ARHGEF28: variants seen among roughly 807,000 people sequenced by gnomAD.
ARHGEF28 encodes 190 kDa guanine nucleotide exchange factor.
Under a neutral mutation model 206.6 loss-of-function variants are expected in ARHGEF28, and 152 were observed. The ratio of observed to expected loss-of-function variants is 0.74; its 90% confidence interval spans 0.64 to 0.84. The LOEUF (loss-of-function observed/expected upper bound fraction) is 0.84. Ranked by LOEUF, ARHGEF28 falls within the 40% of genes least tolerant of loss-of-function variation. The pLI, the probability that ARHGEF28 is intolerant of heterozygous loss-of-function variation, is 0.00. For missense variants in ARHGEF28, 2,028 were observed against 2,073.2 expected (o/e 0.98, Z 0.42); for synonymous variants, 763 against 776.4 (o/e 0.98, Z 0.29).
chr5:73,925,806 A>G (rs75179625), intron 35 of ARHGEF28, among the ~76,000 whole-genome samples: 21,055 of 152,238 alleles, frequency 0.14, 1,743 homozygotes, highest in South Asian at 0.3. Context: ...CCCTTGTATT[A>G]TGTTTCATTG....
intron 1 of ARHGEF28, among the ~76,000 whole-genome samples, chr5:73,631,588 A>G (rs1489161768): frequency 6.6e-6 from 1 of 152,184 alleles, no homozygotes; most frequent in Non-Finnish European, 1.5e-5. Context: ...TTTGATAGCT[A>G]CTTTCCTAAT....
chr5:73,873,376 T>G, intron 22 of ARHGEF28, 130 bp downstream of exon 22: 1 of 1,239,574 alleles, frequency 8.1e-7, no homozygotes, highest in Non-Finnish European at 1.1e-6. Context: ...AGGATGTGTT[T>G]ACCATCGTTA....
chr5:73,745,405 G>A (rs2112386627), intron 2 of ARHGEF28, among the ~76,000 whole-genome samples: 1 of 152,172 alleles, frequency 6.6e-6, no homozygotes, highest in South Asian at 2.1e-4. Context: ...AAAGTTGGAT[G>A]AGATAGTTTA....
chr5:73,800,708 A>C (rs1429940854), intron 9 of ARHGEF28, among the ~76,000 whole-genome samples: 1 of 152,222 alleles, frequency 6.6e-6, no homozygotes, highest in Non-Finnish European at 1.5e-5. Flanking sequence ...GCAGAAACAA[A>C]CAATAGGATA....
chr5:73,892,829 G>A (rs1239937316), intron 27 of ARHGEF28, among the ~76,000 whole-genome samples: 2 of 152,120 alleles, frequency 1.3e-5, no homozygotes, highest in African/African-American at 4.8e-5. Context: ...TGATTAGTTA[G>A]ATCCTGAAGT....
intron 10 of ARHGEF28, among the ~76,000 whole-genome samples, chr5:73,833,350 C>G (rs1183042374): frequency 1.6e-5 from 1 of 63,164 alleles, no homozygotes; most frequent in Non-Finnish European, 2.7e-5. Context: ...ATTCTGTGAT[C>G]TAAACTTTTT....
At chr5:73,711,543 T>A (rs1323855325) in intron 2 of ARHGEF28, among the ~76,000 whole-genome samples, 1 of 152,180 alleles carries the variant, frequency 6.6e-6, no homozygotes. Flanking sequence ...CTTACACATA[T>A]TTTGTTAGAT....
Position 73,795,394 on chromosome 5 carries a change from A to G in ARHGEF28, c.1024+3A>G, listed in dbSNP as rs771778512. Reference sequence around the variant, plus strand: ...AGACCAGCACAGCCTAGATTTGGGTATGAAATAACGCTTTTACCTATACTC... The same window carrying G: ...AGACCAGCACAGCCTAGATTTGGGTGTGAAATAACGCTTTTACCTATACTC... On this transcript the variant is annotated splice_donor_region_variant and intron_variant, in intron 9 of 35. Coordinates refer to ENST00000513042, the MANE Select transcript of ARHGEF28 (RefSeq NM_001177693.2). 1.9e-6 allele frequency: 3 copies of G among 1,612,730 alleles called. No individual in the cohort carries two copies. Among genetic ancestry groups the G allele is most frequent in the Non-Finnish European group, 1.7e-6 (2 of 1,178,798 alleles).
At chr5:73,857,264 G>C (rs928248648) in intron 14 of ARHGEF28, among the ~76,000 whole-genome samples, 3 of 152,090 alleles carry the variant, frequency 2.0e-5, no homozygotes, top group African/African-American at 7.2e-5. Flanking sequence ...CTGTGCTCTG[G>C]GGAATTCTTA....
At position 73,882,569 on chromosome 5, in the gene ARHGEF28, A is replaced by G; in HGVS notation, c.2912A>G (p.Asn971Ser). The G allele has an allele frequency of 6.6e-7, 1 of 1,504,042 alleles. No individual in the cohort carries two copies. The highest frequency in any genetic ancestry group is 2.4e-5 in the Admixed American group (1 of 41,894). The allele number at this position is 1,504,042 out of a possible 1,614,324, so 93.2% of individuals were successfully genotyped here. A position where few individuals can be genotyped will look rare whatever the true frequency, so the allele number is the denominator to read the frequency against. Residue 971 changes from asparagine (N) to serine (S), a missense_variant, in exon 23 of 36, where the codon AAT (asparagine) becomes AGT (serine). This residue lies in a region of ARHGEF28 where 223 missense variants were observed against 289.9 expected (regional missense o/e 0.77). Transcript: ENST00000513042. ...AVNLFKELQQNKKFQNFIKLR... is the reference protein window; with the variant it reads ...AVNLFKELQQSKKFQNFIKLR... ...AACCTCTTTAAAGAACTCCAGCAGAATAAAAAGTTTCAGAATTTTATTAAG... is the reference window on the plus strand; with the variant it reads ...AACCTCTTTAAAGAACTCCAGCAGAGTAAAAAGTTTCAGAATTTTATTAAG...
At chr5:73,922,639 G>C (rs1446885362) in intron 35 of ARHGEF28, among the ~76,000 whole-genome samples, 1 of 152,070 alleles carries the variant, frequency 6.6e-6, no homozygotes, top group Non-Finnish European at 1.5e-5. Context: ...TTGGATGTGT[G>C]TATATTGTGT....
At chr5:73,633,758 G>A (rs1044417407) in intron 1 of ARHGEF28, among the ~76,000 whole-genome samples, 1 of 151,556 alleles carries the variant, frequency 6.6e-6, no homozygotes, top group Non-Finnish European at 1.5e-5. Flanking sequence ...TATATTTTTA[G>A]TAGAGACGGA....
chr5:73,723,968 C>T (rs912307083), intron 2 of ARHGEF28, among the ~76,000 whole-genome samples: 2 of 152,224 alleles, frequency 1.3e-5, no homozygotes, highest in African/African-American at 4.8e-5. Flanking sequence ...TGTCTCTGTT[C>T]CCTTTTCTCT....
chr5:73,627,545 T>C (rs1345172977), intron 1 of ARHGEF28, among the ~76,000 whole-genome samples: 1 of 152,206 alleles, frequency 6.6e-6, no homozygotes, highest in Non-Finnish European at 1.5e-5. Flanking sequence ...CTGTCCTGGG[T>C]TTTTAGTTAC....
intron 9 of ARHGEF28, among the ~76,000 whole-genome samples, chr5:73,830,979 A>G (rs926230798): frequency 6.6e-6 from 1 of 152,174 alleles, no homozygotes; most frequent in Non-Finnish European, 1.5e-5. Flanking sequence ...GGCATTTACT[A>G]TAGGTATAAC....
intron 1 of ARHGEF28, among the ~76,000 whole-genome samples, chr5:73,657,654 C>T (rs993073462): frequency 3.3e-5 from 5 of 152,126 alleles, no homozygotes; most frequent in African/African-American, 9.7e-5. Flanking sequence ...AATGCATTAC[C>T]AGTATGGAAC....
intron 3 of ARHGEF28, 126 bp downstream of exon 3, chr5:73,750,110 G>A (rs571569066): frequency 3.5e-5 from 36 of 1,041,942 alleles, no homozygotes; most frequent in African/African-American, 2.1e-4. Flanking sequence ...GAGTGTGTGC[G>A]TGCCTGTGTG....
chr5:73,901,072 T>C (rs1762239986), intron 30 of ARHGEF28, 112 bp from the exon 31 acceptor site: 3 of 774,294 alleles, frequency 3.9e-6, no homozygotes, highest in Non-Finnish European at 6.5e-6. Context: ...ATGTATTATT[T>C]TGTGGTGTTT....
chr5:73,776,934 A>T (rs949782049), intron 6 of ARHGEF28, among the ~76,000 whole-genome samples: 1 of 152,108 alleles, frequency 6.6e-6, no homozygotes, highest in African/African-American at 2.4e-5. Flanking sequence ...GTTGGGTTTT[A>T]ATACTTTAAT....
Sources: allele counts gnomAD v4.1 joint callset (sites outside exome capture counted in the v4.1 genomes callset), GRCh38; gene constraint gnomAD v4.1.1; regional missense constraint gnomAD v4.1.1; transcripts MANE v1.5; gene names NCBI Gene and HGNC (gene_info 2026-07-23, HGNC 2026-07-21).